The following GSE1 variants were observed in gnomAD, a reference collection of about 807,000 sequenced individuals.
The protein encoded by GSE1 is genetic suppressor element 1.
Under a neutral mutation model 112.6 loss-of-function variants are expected in GSE1, and 32 were observed. The observed-to-expected ratio is 0.28, with a 90% CI of 0.21 to 0.38. The LOEUF is 0.38. Among genes scored for constraint, GSE1 ranks in the 10% least tolerant of loss-of-function variants. The pLI is 1.00. For synonymous variants in GSE1, 1,115 were observed against 735.6 expected, an observed-to-expected ratio of 1.52 and a Z score of -8.35; for missense variants, 2,348 against 1,699.2, an observed-to-expected ratio of 1.38 and a Z score of -6.71.
At chr16:85,335,076 C>G (rs570975877) in intron 1 of GSE1, among the ~76,000 whole-genome samples, 1 of 152,248 alleles carries the variant, frequency 6.6e-6, no homozygotes, top group African/African-American at 2.4e-5. Flanking sequence ...TTGAGTTTCC[C>G]GTGCGGTGGG....
chr16:85,293,892 C>T (rs922072222), intron 1 of GSE1, among the ~76,000 whole-genome samples: 1 of 152,186 alleles, frequency 6.6e-6, no homozygotes, highest in East Asian at 1.9e-4. Flanking sequence ...CTCATCTGGT[C>T]ATAATTACAT....
At chr16:85,410,967 T>C (rs1416832743) in intron 2 of GSE1, among the ~76,000 whole-genome samples, 50 of 79,366 alleles carry the variant, frequency 6.3e-4, no homozygotes, top group African/African-American at 1.2e-3. Context: ...TAATCCTCAC[T>C]GTTACACTCA....
chr16:85,367,670 C>T (rs916664560), intron 2 of GSE1, among the ~76,000 whole-genome samples: 1 of 152,156 alleles, frequency 6.6e-6, no homozygotes, highest in African/African-American at 2.4e-5. Context: ...GCATGCTTAC[C>T]CTCACCATGA....
In GSE1 at chr16:85,542,086, C is replaced by T. The variant is rs113367235; in HGVS notation, c.2465-91828C>T. Among the ~76,000 whole-genome samples, 1,479 of 149,498 alleles carry T rather than the reference C, an allele frequency of 9.9e-3. 12 individuals carry two copies. The highest frequency in any genetic ancestry group is 0.016 in the Non-Finnish European group (1,052 of 67,356). On this transcript the variant is annotated intron_variant, in intron 2 of 2. Coordinates refer to the GSE1 transcript ENST00000637419. ...GCCTTCAGCTGCCCTGCCCCACCCC[C>T]ACCCCATCCGGTTTTGACCTTCTGG...
intron 2 of GSE1, among the ~76,000 whole-genome samples, chr16:85,372,386 G>C (rs2047319415): frequency 6.6e-6 from 1 of 151,538 alleles, no homozygotes; most frequent in South Asian, 2.1e-4. Context: ...GGCTGAGGTG[G>C]GAGGCTCACC....
chr16:85,558,831 T>C (rs1201216886), intron 1 of GSE1, among the ~76,000 whole-genome samples: 1 of 152,102 alleles, frequency 6.6e-6, no homozygotes, highest in Non-Finnish European at 1.5e-5. Context: ...GGTTAACGCA[T>C]TGAGAGTGAT....
At position 85,666,016 on chromosome 16, in the gene GSE1, G is replaced by T. The variant is rs752892296; in HGVS notation, c.2799G>T (p.Pro933=). Residue 933 remains proline (P), a synonymous_variant, in exon 13 of 16, where the codon CCG becomes CCT. Coordinates refer to ENST00000253458, the MANE Select transcript of GSE1 (RefSeq NM_014615.5). The part of the protein sequence containing the change: ...TQQASLDVEK[P]VGVAASLSDI... ...AAGCCTCTCTGGATGTGGAGAAGCC[G>T]GTTGGTGTTGCTGCTTCCTTGTCTG... 5.0e-6 allele frequency: 8 copies of T among 1,613,440 alleles called. No individual in the cohort carries two copies. Among genetic ancestry groups the T allele is most frequent in the South Asian group, 1.1e-5 (1 of 91,088 alleles).
chr16:85,371,129 C>T (rs1223333203), intron 2 of GSE1, among the ~76,000 whole-genome samples: 2 of 152,232 alleles, frequency 1.3e-5, no homozygotes, highest in Non-Finnish European at 2.9e-5. Context: ...GCTCCGCCCC[C>T]CTCGTTCCTT....
intron 2 of GSE1, among the ~76,000 whole-genome samples, chr16:85,494,041 T>C (rs183440838): frequency 2.0e-5 from 3 of 152,304 alleles, no homozygotes; most frequent in African/African-American, 7.2e-5. Context: ...AACATTGCAC[T>C]CCCGCCTGGG....
intron 1 of GSE1, among the ~76,000 whole-genome samples, chr16:85,182,954 G>A (rs55813631): frequency 0.12 from 18,456 of 152,016 alleles, 1,302 homozygotes; most frequent in Middle Eastern, 0.26. Context: ...ACTTGTATGC[G>A]TACACGTTCA....
intron 1 of GSE1, among the ~76,000 whole-genome samples, chr16:85,556,836 GC>G (rs1215755777): frequency 6.9e-6 from 1 of 144,466 alleles, no homozygotes; most frequent in Non-Finnish European, 1.5e-5. Flanking sequence ...TGGCTCGCCG[GC>G]CCCCCCGCCG....
chr16:85,658,361 G>A (rs1214456790), intron 8 of GSE1, among the ~76,000 whole-genome samples: 1 of 152,228 alleles, frequency 6.6e-6, no homozygotes, highest in Non-Finnish European at 1.5e-5. Flanking sequence ...GGGACCTAGG[G>A]ACACTGATTC....
intron 8 of GSE1, chr16:85,659,808 G>A (rs2052282398): frequency 6.6e-6 from 1 of 152,268 alleles, no homozygotes; most frequent in Non-Finnish European, 1.5e-5. Context: ...GGGTTCTGAT[G>A]TTAGAAATCC....
At chr16:85,502,870 G>C (rs888747924) in intron 2 of GSE1, among the ~76,000 whole-genome samples, 1 of 152,242 alleles carries the variant, frequency 6.6e-6, no homozygotes, top group Admixed American at 6.5e-5. Flanking sequence ...GCAAGCAGGG[G>C]GGTGAAAAAG....
chr16:85,564,594 G>T (rs1479241454), intron 1 of GSE1, among the ~76,000 whole-genome samples: 2 of 152,208 alleles, frequency 1.3e-5, no homozygotes, highest in African/African-American at 4.8e-5. Context: ...CACCAGTGGG[G>T]ACTTGGCAGG....
intron 2 of GSE1, among the ~76,000 whole-genome samples, chr16:85,487,419 C>G (rs1219180331): frequency 6.6e-6 from 1 of 152,144 alleles, no homozygotes; most frequent in African/African-American, 2.4e-5. Context: ...GGCCTGAGAA[C>G]CCTCGCATGG....
chr16:85,654,794 C>T lies in GSE1; in HGVS notation c.600C>T (p.Asn200=), dbSNP rs139299961. 356 of 1,607,270 alleles carry T rather than the reference C, an allele frequency of 2.2e-4. 1 individual carries two copies. The highest frequency in any genetic ancestry group is 4.8e-4 in the Admixed American group (29 of 59,808). Residue 200 remains asparagine, a splice_region_variant and synonymous_variant, in exon 5 of 16, where the codon AAC becomes AAT. Coordinates refer to ENST00000253458, the MANE Select transcript of GSE1 (RefSeq NM_014615.5). ...VVQDSRFPPL[N]LQRPVHHVVP... Reference sequence around the variant, plus strand: ...CCTTGCCCACTATCCCCGCCTGCAGCCTCCAGCGGCCCGTGCACCACGTGG... The same window carrying T: ...CCTTGCCCACTATCCCCGCCTGCAGTCTCCAGCGGCCCGTGCACCACGTGG...
intron 1 of GSE1, among the ~76,000 whole-genome samples, chr16:85,627,492 T>C (rs1486327545): frequency 1.3e-5 from 2 of 150,756 alleles, no homozygotes; most frequent in African/African-American, 2.4e-5. Context: ...GCTTTTTTTT[T>C]CCTGGGGGTG....
At chr16:85,646,367 G>A (rs955927526) in intron 2 of GSE1, among the ~76,000 whole-genome samples, 4 of 152,238 alleles carry the variant, frequency 2.6e-5, no homozygotes, top group African/African-American at 7.2e-5. Context: ...ATCTGTCCCC[G>A]TGGGCCCAAG....
Sources: gnomAD v4.1 joint callset for allele counts (sites outside exome capture counted in the v4.1 genomes callset) on GRCh38, gnomAD v4.1.1 for gene constraint, MANE v1.5 for transcripts, NCBI Gene and HGNC (gene_info 2026-07-23, HGNC 2026-07-21) for gene names.